Variants in KALRN observed in about 807,000 individuals in gnomAD.
KALRN encodes kalirin.
KALRN carries 70 observed loss-of-function variants against 353.7 expected under a neutral mutation model. The observed-to-expected ratio is 0.20, with a 90% CI of 0.16 to 0.24. KALRN has a LOEUF of 0.24. Ranked by LOEUF, KALRN falls within the 10% of genes least tolerant of loss-of-function variation. The pLI, the probability that KALRN is intolerant of heterozygous loss-of-function variation, is 1.00. For synonymous variants in KALRN, 1,391 were observed against 1,434.8 expected, an observed-to-expected ratio of 0.97 and a Z score of 0.69; for missense variants, 2,791 against 3,756.7, an observed-to-expected ratio of 0.74 and a Z score of 6.72.
At position 124,696,383 on chromosome 3, in the gene KALRN, A is replaced by T. The variant is rs149493220; in HGVS notation, c.7699+128A>T. On this transcript the variant is annotated intron_variant, in intron 54 of 59. Transcript: ENST00000682506. ...CCTCCCAGGCTCAAGCACTCCAACCACCTCAGCCTCCCGATTAGCTGGACA... is the reference window on the plus strand; with the variant it reads ...CCTCCCAGGCTCAAGCACTCCAACCTCCTCAGCCTCCCGATTAGCTGGACA... 285 of 694,836 alleles carry T rather than the reference A, an allele frequency of 4.1e-4. No individual in the cohort carries two copies. The African/African-American group carries it at 4.7e-3, about 11-fold the overall frequency. The allele number at this position is 694,836 out of a possible 1,614,324, so 43.0% of individuals were successfully genotyped here.
At chr3:124,714,858 G>A (rs145038267) in intron 58 of KALRN, among the ~76,000 whole-genome samples, 12,003 of 151,988 alleles carry the variant, frequency 0.079, 616 homozygotes, top group Non-Finnish European at 0.11. Flanking sequence ...TCTACTAAAA[G>A]TACAAAAATT....
chr3:124,121,270 T>A (rs1453251072), intron 1 of KALRN, among the ~76,000 whole-genome samples: 1 of 152,152 alleles, frequency 6.6e-6, no homozygotes, highest in Non-Finnish European at 1.5e-5. Flanking sequence ...GATAGAGGTT[T>A]TGATTGTTTA....
intron 27 of KALRN, among the ~76,000 whole-genome samples, chr3:124,481,383 T>G (rs139779610): frequency 6.6e-6 from 1 of 152,222 alleles, no homozygotes; most frequent in African/African-American, 2.4e-5. Context: ...ATTTTTGTAT[T>G]TTTTGTAGAG....
chr3:124,706,758 T>C (rs2062636321), intron 57 of KALRN, among the ~76,000 whole-genome samples: 1 of 151,468 alleles, frequency 6.6e-6, no homozygotes. Flanking sequence ...TTAGTAAAGA[T>C]GGGGTTTCTC....
At chr3:124,420,168 T>C (rs1174621058) in intron 14 of KALRN, among the ~76,000 whole-genome samples, 1 of 152,208 alleles carries the variant, frequency 6.6e-6, no homozygotes, top group African/African-American at 2.4e-5. Context: ...TAAAACAACA[T>C]CAAATGAGAT....
intron 3 of KALRN, among the ~76,000 whole-genome samples, chr3:124,252,185 A>C (rs1272357017): frequency 1.3e-5 from 2 of 152,148 alleles, no homozygotes; most frequent in Non-Finnish European, 2.9e-5. Flanking sequence ...TGCACATTAG[A>C]ATCACCAGGG....
intron 6 of KALRN, among the ~76,000 whole-genome samples, chr3:124,315,631 G>A (rs978838860): frequency 3.3e-5 from 5 of 151,514 alleles, no homozygotes; most frequent in African/African-American, 4.8e-5. Flanking sequence ...GTATCCTCTC[G>A]GTGTTTGCCC....
intron 34 of KALRN, among the ~76,000 whole-genome samples, chr3:124,602,941 T>G (rs879393968): frequency 0.022 from 477 of 22,130 alleles, 3 homozygotes; most frequent in Admixed American, 0.057. Flanking sequence ...GTTTTCGTGG[T>G]TTTTTTTTTG....
At chr3:124,325,376 CTTTA>C (rs1227035417) in intron 6 of KALRN, among the ~76,000 whole-genome samples, 1 of 152,118 alleles carries the variant, frequency 6.6e-6, no homozygotes, top group African/African-American at 2.4e-5. Context: ...CAAATGCTGT[CTTTA>C]TTTAAACCCT....
In KALRN at chr3:124,656,481, G is replaced by A. The variant is rs139242149; in HGVS notation, c.5862+814G>A. ...AAAAAATTAGCCGGGCGTGGTGGTG[G>A]GCGCCTGTAGTCCCAGCTACTCAGG... On this transcript the variant is annotated intron_variant, in intron 39 of 59. Coordinates refer to ENST00000682506, the MANE Select transcript of KALRN (RefSeq NM_001388419.1). Among the ~76,000 whole-genome samples, 331 of 152,204 alleles carry A rather than the reference G, an allele frequency of 2.2e-3. 2 individuals carry two copies. Among genetic ancestry groups the A allele is most frequent in the African/African-American group, 7.4e-3 (306 of 41,526 alleles).
chr3:124,319,319 A>G (rs962043110), intron 6 of KALRN, among the ~76,000 whole-genome samples: 16 of 151,754 alleles, frequency 1.1e-4, no homozygotes, highest in Non-Finnish European at 2.1e-4. Context: ...GGAAATTTAA[A>G]AAACCAAATC....
At chr3:124,626,735 T>C (rs180854826) in intron 34 of KALRN, among the ~76,000 whole-genome samples, 108 of 152,336 alleles carry the variant, frequency 7.1e-4, no homozygotes, top group Non-Finnish European at 1.2e-3. Flanking sequence ...TGACAAGTGG[T>C]TTTCCACATA....
At position 124,678,215 on chromosome 3, in the gene KALRN, C is replaced by T. The variant is rs747606269; in HGVS notation, c.7219C>T (p.Arg2407Cys). 1.7e-5 allele frequency: 27 copies of T among 1,613,746 alleles called. No individual in the cohort carries two copies. Among genetic ancestry groups the T allele is most frequent in the Non-Finnish European group, 1.9e-5 (23 of 1,179,844 alleles). The change falls in exon 50 of 60, where the codon CGC becomes TGC. Residue 2407 changes from arginine (R) to cysteine (C), a missense_variant. By Grantham distance (180) the Arg-to-Cys change is radical. This residue lies in a region of KALRN where 1,065 missense variants were observed against 1,156.4 expected (regional missense o/e 0.92). Transcript: ENST00000682506. The stretch of plus-strand genomic sequence containing the variant: ...GAAGTCATGTTCATGGCATACTCTA[C>T]GCATGAGAAAGCGGGCGGAAGTGGA... ...IKKSCSWHTL[R>C]MRKRAEVENT...
At chr3:124,678,414 T>C (rs66958635) in intron 50 of KALRN, 101 bp downstream of exon 50, 34,037 of 1,241,844 alleles carry the variant, frequency 0.027, 503 homozygotes, top group East Asian at 0.092. Context: ...TTTTTTTTTT[T>C]CCCAGTATGG....
Position 124,356,128 on chromosome 3 carries a change from G to T in KALRN, c.1770+8863G>T, listed in dbSNP as rs192059680. ...TTTGTAGTCCAAGTTCTTGATAGAG[G>T]AGTTTATATTTGCTGCCTCTACTTC... On this transcript the variant is annotated intron_variant, in intron 10 of 59. Transcript: ENST00000682506. Among the ~76,000 whole-genome samples, 20 of 151,696 alleles carry T rather than the reference G, an allele frequency of 1.3e-4. No homozygotes were observed. The East Asian group carries it at 3.7e-3, about 28-fold the overall frequency.
chr3:124,082,104 G>T, intron 1 of KALRN: 1 of 365,012 alleles, frequency 2.7e-6, no homozygotes, highest in African/African-American at 2.1e-5. Flanking sequence ...GAGCATGGAG[G>T]CAGTGTAGCT....
intron 33 of KALRN, chr3:124,518,504 C>T (rs1041859683): frequency 2.5e-6 from 4 of 1,613,490 alleles, no homozygotes; most frequent in Middle Eastern, 3.6e-4. Context: ...CCGGGTTAGC[C>T]GTGGCACCGT....
At chr3:124,355,743 T>C (rs2083329384) in intron 10 of KALRN, among the ~76,000 whole-genome samples, 1 of 120,640 alleles carries the variant, frequency 8.3e-6, no homozygotes, top group Non-Finnish European at 1.7e-5. Flanking sequence ...TGAGACAGAG[T>C]CTCGCTCTGT....
chr3:124,483,466 C>T (rs1018607164), intron 28 of KALRN, among the ~76,000 whole-genome samples: 7 of 152,178 alleles, frequency 4.6e-5, no homozygotes, highest in African/African-American at 1.7e-4. Flanking sequence ...GCAAGAGAAT[C>T]ACTTGAACCC....
Sources: gnomAD v4.1 joint callset for allele counts (sites outside exome capture counted in the v4.1 genomes callset) on GRCh38, gnomAD v4.1.1 for gene constraint, gnomAD v4.1.1 regional missense constraint, MANE v1.5 for transcripts, NCBI Gene and HGNC (gene_info 2026-07-23, HGNC 2026-07-21) for gene names.